Variants in PI4K2A observed in about 807,000 individuals in gnomAD.
PI4K2A encodes the protein phosphatidylinositol 4-kinase type 2-alpha.
In PI4K2A, 20 loss-of-function variants were observed where a neutral mutation model predicts 55.0. That is an observed-to-expected ratio of 0.36 (90% confidence interval 0.26 to 0.53). The LOEUF is 0.53. Ranked by LOEUF, PI4K2A falls within the 20% of genes least tolerant of loss-of-function variation. PI4K2A has a pLI of 0.91. For missense variants in PI4K2A, 463 were observed against 637.1 expected, an observed-to-expected ratio of 0.73 and a Z score of 2.94; for synonymous variants, 235 against 258.5, an observed-to-expected ratio of 0.91 and a Z score of 0.87.
At chr10:97,643,599 A>G (rs554552730) in intron 1 of PI4K2A, among the ~76,000 whole-genome samples, 23 of 152,286 alleles carry the variant, frequency 1.5e-4, no homozygotes, top group Middle Eastern at 3.4e-3. Context: ...TTTCCTGGCC[A>G]CTATCCTTTC....
intron 5 of PI4K2A, among the ~76,000 whole-genome samples, chr10:97,663,243 C>T (rs2041595016): frequency 6.6e-6 from 1 of 152,174 alleles, no homozygotes; most frequent in Non-Finnish European, 1.5e-5. Context: ...TGCACAGTAG[C>T]ATAGTAAAGG....
chr10:97,642,085 T>G (rs1363746301), intron 1 of PI4K2A, among the ~76,000 whole-genome samples: 1 of 152,094 alleles, frequency 6.6e-6, no homozygotes, highest in Non-Finnish European at 1.5e-5. Context: ...CAATGGGTCA[T>G]TGGAAAGATG....
At chr10:97,672,115 T>A (rs1472801814) in intron 8 of PI4K2A, among the ~76,000 whole-genome samples, 1 of 151,758 alleles carries the variant, frequency 6.6e-6, no homozygotes, top group Non-Finnish European at 1.5e-5. Flanking sequence ...CAGTCTTGGC[T>A]CACTGCAACC....
In PI4K2A at chr10:97,656,486, A is replaced by G. The variant is rs985724995; in HGVS notation, c.768+70A>G. ...ACATAGTCATCCAAGTGGTGAAGCA[A>G]GGTGCCTACAACTCAAATATGGGCA... On this transcript the variant is annotated intron_variant, in intron 3 of 8. Transcript: ENST00000370631. This position sits in a 1 kb window ranked among gnomAD's most constrained non-coding sequence, Gnocchi z 4.5. The G allele has an allele frequency of 1.9e-5, 28 of 1,471,590 alleles. No individual in the cohort carries two copies. In the African/African-American group the frequency reaches 3.2e-4, roughly 17 times the overall value. 91.2% of individuals were successfully genotyped at this position (1,471,590 alleles called of 1,614,324 possible). A position where few individuals can be genotyped will look rare whatever the true frequency, so the allele number is the denominator to read the frequency against.
chr10:97,644,366 G>T (rs2041494208), intron 1 of PI4K2A, among the ~76,000 whole-genome samples: 1 of 105,650 alleles, frequency 9.5e-6, no homozygotes, highest in African/African-American at 3.2e-5. Context: ...CAAAACAAAA[G>T]AAAAGAATTT....
chr10:97,640,915 G>C, exon 1 of PI4K2A: 1 of 1,311,172 alleles, frequency 7.6e-7, no homozygotes, highest in Non-Finnish European at 9.7e-7. Context: ...GACCGCGAGC[G>C]GCAGCCACTG....
intron 1 of PI4K2A, among the ~76,000 whole-genome samples, chr10:97,647,767 C>T (rs1339805997): frequency 6.8e-6 from 1 of 147,314 alleles, no homozygotes; most frequent in Non-Finnish European, 1.5e-5. Flanking sequence ...AATAAAACCC[C>T]TGTACTATTG....
chr10:97,669,663 C>G (rs1365085954), intron 8 of PI4K2A, among the ~76,000 whole-genome samples: 9 of 152,158 alleles, frequency 5.9e-5, no homozygotes, highest in Non-Finnish European at 1.3e-4. Context: ...AATGTGTGCA[C>G]TACAAAATTT....
At chr10:97,654,547 A>G (rs1236715473) in intron 2 of PI4K2A, among the ~76,000 whole-genome samples, 1 of 152,208 alleles carries the variant, frequency 6.6e-6, no homozygotes, top group African/African-American at 2.4e-5. Flanking sequence ...GATTTTAGGT[A>G]TTTATATGCT....
At chr10:97,664,137 C>T (rs2041599363) in intron 5 of PI4K2A, among the ~76,000 whole-genome samples, 1 of 152,190 alleles carries the variant, frequency 6.6e-6, no homozygotes, top group Non-Finnish European at 1.5e-5. Flanking sequence ...TTCTTCAGGC[C>T]TTTCCCTTAG....
intron 2 of PI4K2A, among the ~76,000 whole-genome samples, 191 bp downstream of exon 2, chr10:97,651,332 G>A (rs758538223): frequency 6.6e-6 from 1 of 152,176 alleles, no homozygotes; most frequent in Non-Finnish European, 1.5e-5. Flanking sequence ...GCTATCTTTT[G>A]AAGGATACAC....
intron 8 of PI4K2A, 41 bp downstream of exon 8, chr10:97,667,161 G>A: frequency 6.9e-7 from 1 of 1,451,268 alleles, no homozygotes. Context: ...GGCGTCTCTG[G>A]GAGTGTTGTG....
chr10:97,650,278 C>CTTTTTTTTTTTTTTTTTTT (rs71007356), intron 1 of PI4K2A, among the ~76,000 whole-genome samples: 1 of 108,114 alleles, frequency 9.2e-6, no homozygotes, highest in Non-Finnish European at 1.8e-5. Context: ...GCTTCTGTAC[C>CTTTTTTTTTTTTTTTTTTT]TTTTTTTTTT....
intron 2 of PI4K2A, among the ~76,000 whole-genome samples, chr10:97,654,897 G>A (rs1233147602): frequency 6.6e-6 from 1 of 151,974 alleles, no homozygotes; most frequent in Admixed American, 6.6e-5. Context: ...GGCACATAGG[G>A]TAAACAGAGA....
At chr10:97,647,424 A>G (rs1053835214) in intron 1 of PI4K2A, among the ~76,000 whole-genome samples, 2 of 152,244 alleles carry the variant, frequency 1.3e-5, no homozygotes, top group Admixed American at 1.3e-4. Flanking sequence ...GTGTCTTTCC[A>G]ATTTGAGTGG....
intron 1 of PI4K2A, among the ~76,000 whole-genome samples, chr10:97,647,819 T>C (rs1182091239): frequency 6.6e-6 from 1 of 152,108 alleles, no homozygotes; most frequent in Non-Finnish European, 1.5e-5. Flanking sequence ...ATTGAAATGC[T>C]TCTTATTCTC....
chr10:97,641,278 A>C, intron 1 of PI4K2A, 101 bp downstream of exon 1: 3 of 834,778 alleles, frequency 3.6e-6, no homozygotes, highest in Non-Finnish European at 5.6e-6. Flanking sequence ...GAGAAACTTC[A>C]CAGTACCAGC....
At chr10:97,641,598 G>A (rs1403487671) in intron 1 of PI4K2A, among the ~76,000 whole-genome samples, 1 of 152,162 alleles carries the variant, frequency 6.6e-6, no homozygotes, top group Non-Finnish European at 1.5e-5. Flanking sequence ...GTTCACGGAG[G>A]AGGATGGGTG....
chr10:97,664,481 C>CAGAT (rs1287379379), intron 5 of PI4K2A, among the ~76,000 whole-genome samples: 1 of 152,226 alleles, frequency 6.6e-6, no homozygotes, highest in Non-Finnish European at 1.5e-5. Flanking sequence ...AGTGAAGTAA[C>CAGAT]ATCTGAGTCA....
Sources: allele counts gnomAD v4.1 joint callset (sites outside exome capture counted in the v4.1 genomes callset), GRCh38; gene constraint gnomAD v4.1.1; non-coding constraint Gnocchi (gnomAD v3.1); transcripts MANE v1.5; gene names NCBI Gene and HGNC (gene_info 2026-07-23, HGNC 2026-07-21).